Variants in SOX6 observed in about 807,000 individuals in gnomAD.
SOX6 encodes transcription factor SOX-6.
SOX6 carries 11 observed loss-of-function variants against 97.8 expected under a neutral mutation model. The observed-to-expected ratio is 0.11, with a 90% CI of 0.07 to 0.19. SOX6 has a LOEUF of 0.19. Ranked by LOEUF, SOX6 falls within the 10% of genes least tolerant of loss-of-function variation. The pLI is 1.00. For missense variants in SOX6, 810 were observed against 1,039.5 expected (o/e 0.78, Z 3.04); for synonymous variants, 360 against 371.4 (o/e 0.97, Z 0.35).
rs575028313 is a variant in SOX6 at position 16,660,796 on chromosome 11, T to C, written n.430-48536A>G. On this transcript the variant is annotated intron_variant and non_coding_transcript_variant, in intron 3 of 5. Coordinates refer to the SOX6 transcript ENST00000524520. Reference sequence around the variant, plus strand: ...GATGACACATAGAGAAGGTGCCATGTATGAGGAATGGGCCCTCAACAGATG... The same window carrying C: ...GATGACACATAGAGAAGGTGCCATGCATGAGGAATGGGCCCTCAACAGATG... Among the ~76,000 whole-genome samples, 19 of 152,314 alleles carry C rather than the reference T, an allele frequency of 1.2e-4. No individual in the cohort carries two copies. In the East Asian group the frequency reaches 3.3e-3, roughly 26 times the overall value.
intron 13 of SOX6, among the ~76,000 whole-genome samples, chr11:16,003,756 T>A (rs1401490227): frequency 6.6e-6 from 1 of 152,062 alleles, no homozygotes; most frequent in Admixed American, 6.6e-5. Context: ...TTCTGTTAAG[T>A]GTCATTTCTT....
intron 2 of SOX6, among the ~76,000 whole-genome samples, chr11:16,726,284 C>T (rs181608476): frequency 6.6e-6 from 1 of 152,306 alleles, no homozygotes; most frequent in Non-Finnish European, 1.5e-5. Context: ...TGGTGCACGC[C>T]TGTAATCCCA....
intron 4 of SOX6, among the ~76,000 whole-genome samples, chr11:16,604,035 A>G (rs1848303199): frequency 6.6e-6 from 1 of 152,192 alleles, no homozygotes; most frequent in Admixed American, 6.5e-5. Flanking sequence ...TGGGCAGCCG[A>G]CTGTCCAGTG....
At chr11:16,093,860 C>G (rs1260024790) in intron 9 of SOX6, among the ~76,000 whole-genome samples, 2 of 151,914 alleles carry the variant, frequency 1.3e-5, no homozygotes, top group East Asian at 3.9e-4. Flanking sequence ...ACGTTACTAT[C>G]TAGCACCTTA....
At chr11:15,977,849 C>T (rs1590103363) in intron 15 of SOX6, among the ~76,000 whole-genome samples, 1 of 152,004 alleles carries the variant, frequency 6.6e-6, no homozygotes. Context: ...CCAACTTCTC[C>T]CCCTTTCTCA....
At chr11:16,323,564 A>G (rs530872553) in intron 2 of SOX6, among the ~76,000 whole-genome samples, 1 of 152,108 alleles carries the variant, frequency 6.6e-6, no homozygotes, top group African/African-American at 2.4e-5. Flanking sequence ...ATCTTCCTTA[A>G]CTTTGAACCC....
intron 4 of SOX6, among the ~76,000 whole-genome samples, chr11:16,206,212 G>C (rs984055491): frequency 6.6e-6 from 1 of 151,990 alleles, no homozygotes; most frequent in East Asian, 1.9e-4. Flanking sequence ...CATTATAAAG[G>C]TCAATTTCTT....
chr11:16,519,686 A>T (rs1192359279), intron 4 of SOX6, among the ~76,000 whole-genome samples: 2 of 152,210 alleles, frequency 1.3e-5, no homozygotes, highest in African/African-American at 4.8e-5. Flanking sequence ...TCTTTTTGAT[A>T]AAATGATTTC....
At chr11:16,389,854 CAG>C in intron 1 of SOX6, among the ~76,000 whole-genome samples, 1 of 151,172 alleles carries the variant, frequency 6.6e-6, no homozygotes, top group East Asian at 2.0e-4. Flanking sequence ...CCTGTAGTCC[CAG>C]CTGTTCGGGA....
At position 16,049,766 on chromosome 11, in the gene SOX6, C is replaced by T. The variant is rs748499953; in HGVS notation, c.1424G>A (p.Gly475Glu). 5 of 1,613,458 alleles carry T rather than the reference C, an allele frequency of 3.1e-6. No individual in the cohort carries two copies. The Admixed American group carries it at 6.7e-5, about 22-fold the overall frequency. ...ACTTTTCCATTTACCTAAAGAGGAT[C>T]CTCTTCCCAGGCTTCCTCCAATGGG... Reference protein sequence around the residue: ...PSPIGGSLGRGSSLDILSSLN... With the variant: ...PSPIGGSLGRESSLDILSSLN... Residue 475 changes from glycine to glutamate, a missense_variant, in exon 11 of 16, where the codon GGA (glycine) becomes GAA (glutamate). Transcript: ENST00000683767.
At chr11:16,472,133 G>A (rs1860150476) in intron 1 of SOX6, among the ~76,000 whole-genome samples, 1 of 152,176 alleles carries the variant, frequency 6.6e-6, no homozygotes, top group South Asian at 2.1e-4. Context: ...AGGGAATAAA[G>A]TGAAGAATTC....
intron 3 of SOX6, among the ~76,000 whole-genome samples, chr11:16,692,697 A>G (rs1590054411): frequency 2.6e-5 from 4 of 152,238 alleles, no homozygotes; most frequent in African/African-American, 7.2e-5. Flanking sequence ...GGTGAATAAT[A>G]TATTTTTCAT....
chr11:15,981,708 T>C (rs1853661385), intron 15 of SOX6, among the ~76,000 whole-genome samples: 1 of 152,126 alleles, frequency 6.6e-6, no homozygotes, highest in Admixed American at 6.6e-5. Context: ...TTAAATAGGA[T>C]TGATTCGACC....
intron 3 of SOX6, among the ~76,000 whole-genome samples, chr11:16,635,236 G>A (rs1381762216): frequency 6.6e-6 from 1 of 152,176 alleles, no homozygotes; most frequent in African/African-American, 2.4e-5. Flanking sequence ...AAGAAGATAG[G>A]AAAATGTGAG....
chr11:16,692,557 ACT>A (rs1228936824), intron 3 of SOX6, among the ~76,000 whole-genome samples: 4 of 151,932 alleles, frequency 2.6e-5, no homozygotes, highest in Admixed American at 6.6e-5. Flanking sequence ...AAAACAAAAG[ACT>A]CTCTATTTAG....
At chr11:16,488,333 T>G (rs1222915149) in intron 4 of SOX6, among the ~76,000 whole-genome samples, 2 of 152,162 alleles carry the variant, frequency 1.3e-5, no homozygotes, top group East Asian at 3.8e-4. Flanking sequence ...GAAAGCAGAT[T>G]GTAAAACTAT....
At position 16,016,969 on chromosome 11, in the gene SOX6, A is replaced by C. The variant is rs573784734; in HGVS notation, c.1624-1919T>G. Among the ~76,000 whole-genome samples the C allele has an allele frequency of 2.0e-4, 30 of 152,064 alleles. No individual in the cohort carries two copies. The South Asian group carries it at 2.9e-3, about 15-fold the overall frequency. On this transcript the variant is annotated intron_variant, in intron 12 of 15. Coordinates refer to ENST00000683767, the MANE Select transcript of SOX6 (RefSeq NM_001367873.1). ...ATTTCAAGTATCTTTCTAGTCACTC[A>C]TTCTCTTTGATTTTACTGGAAAATA...
chr11:16,261,637 GA>G (rs5789947), intron 3 of SOX6, among the ~76,000 whole-genome samples: 88 of 148,110 alleles, frequency 5.9e-4, no homozygotes, highest in East Asian at 7.9e-4. Context: ...TCTTTTATTT[GA>G]AAAAAAAAAT....
intron 6 of SOX6, among the ~76,000 whole-genome samples, chr11:16,127,312 A>T (rs1849632923): frequency 6.6e-6 from 1 of 152,022 alleles, no homozygotes; most frequent in African/African-American, 2.4e-5. Context: ...TTGTTTTTGC[A>T]CTCAAAATCT....
Sources: allele counts gnomAD v4.1 joint callset (sites outside exome capture counted in the v4.1 genomes callset), GRCh38; gene constraint gnomAD v4.1.1; transcripts MANE v1.5; gene names NCBI Gene and HGNC (gene_info 2026-07-23, HGNC 2026-07-21).